The following LDB2 variants were observed in gnomAD, a reference collection of about 807,000 sequenced individuals.
LDB2 encodes LIM domain-binding protein 2.
LDB2 carries 12 observed loss-of-function variants against 44.3 expected under a neutral mutation model. The ratio of observed to expected loss-of-function variants is 0.27; its 90% CI spans 0.17 to 0.44. The LOEUF is 0.44. Among genes scored for constraint, LDB2 ranks in the 20% least tolerant of loss-of-function variants. The pLI is 1.00. For missense variants in LDB2, 344 were observed against 473.5 expected (o/e 0.73, Z 2.54); for synonymous variants, 164 against 174.8 (o/e 0.94, Z 0.49).
intron 3 of LDB2, among the ~76,000 whole-genome samples, chr4:16,591,635 C>A (rs567646161): frequency 4.6e-5 from 7 of 152,194 alleles, no homozygotes; most frequent in African/African-American, 1.7e-4. Context: ...AGCCACTCCA[C>A]ACCCTGTACC....
chr4:16,688,705 G>A (rs1009017649), intron 2 of LDB2, among the ~76,000 whole-genome samples: 1 of 152,150 alleles, frequency 6.6e-6, no homozygotes, highest in Non-Finnish European at 1.5e-5. Context: ...TCAATGAGGT[G>A]CTGATACTAT....
At position 16,527,381 on chromosome 4, in the gene LDB2, C is replaced by T. The variant is rs76355263; in HGVS notation, c.616-15277G>A. Among the ~76,000 whole-genome samples, 248 of 151,970 alleles carry T rather than the reference C, an allele frequency of 1.6e-3. 1 individual carries two copies. Among genetic ancestry groups the T allele is most frequent in the African/African-American group, 5.5e-3 (229 of 41,414 alleles). ...AATTGAGGTTTTTACAATGCGATGC[C>T]ACCTTACTCCCGGAAGAATGGCCAT... On this transcript the variant is annotated intron_variant, in intron 5 of 7. Coordinates refer to ENST00000304523, the MANE Select transcript of LDB2 (RefSeq NM_001290.5).
At chr4:16,738,778 C>A (rs991416410) in intron 2 of LDB2, among the ~76,000 whole-genome samples, 1 of 152,158 alleles carries the variant, frequency 6.6e-6, no homozygotes, top group African/African-American at 2.4e-5. Flanking sequence ...AATGAATATG[C>A]GAATGGATGA....
intron 5 of LDB2, among the ~76,000 whole-genome samples, chr4:16,583,861 G>A (rs1466263184): frequency 1.3e-5 from 2 of 152,226 alleles, no homozygotes; most frequent in Non-Finnish European, 2.9e-5. Context: ...ATTTCAGCAC[G>A]CTTCGCTGGA....
rs1400663053 is a variant in LDB2, at chr4:16,533,324, T to TA, written c.616-21221dup. On this transcript the variant is annotated intron_variant, in intron 5 of 7. Transcript: ENST00000304523. This position sits in a 1 kb window ranked among gnomAD's most constrained non-coding sequence, Gnocchi z 4.1. Reference sequence around the variant, plus strand: ...AGGTTAAGGATCCCACTTCTAAAGTTAAAAAACCATTCATGTCTGCAAAAA... The same window carrying TA: ...AGGTTAAGGATCCCACTTCTAAAGTTAAAAAAACCATTCATGTCTGCAAAAA... 6.6e-6 allele frequency among the ~76,000 whole-genome samples: 1 copy of TA among 152,142 alleles called. No individual in the cohort carries two copies.
chr4:16,525,819 G>A (rs936859285), intron 5 of LDB2, among the ~76,000 whole-genome samples: 8 of 152,190 alleles, frequency 5.3e-5, no homozygotes, highest in Admixed American at 2.0e-4. Flanking sequence ...AGTTGGGAGG[G>A]TTGAAAATGT....
intron 5 of LDB2, among the ~76,000 whole-genome samples, chr4:16,543,397 A>C (rs1463828984): frequency 6.6e-6 from 1 of 152,164 alleles, no homozygotes; most frequent in Non-Finnish European, 1.5e-5. Context: ...CAACAGTGTA[A>C]AAGTGTTCCT....
chr4:16,522,039 T>A (rs1726298485), intron 5 of LDB2, among the ~76,000 whole-genome samples: 1 of 152,040 alleles, frequency 6.6e-6, no homozygotes, highest in Non-Finnish European at 1.5e-5. Flanking sequence ...TGTTTCAGTC[T>A]CCCCATCGGC....
intron 5 of LDB2, among the ~76,000 whole-genome samples, chr4:16,583,605 A>G (rs770486930): frequency 3.0e-4 from 46 of 152,368 alleles, no homozygotes; most frequent in Non-Finnish European, 5.7e-4. Context: ...CTTAAATCCC[A>G]GTTCTAAATG....
chr4:16,547,386 TGTG>T (rs1246277877), intron 5 of LDB2, among the ~76,000 whole-genome samples: 2 of 152,156 alleles, frequency 1.3e-5, no homozygotes, highest in Non-Finnish European at 2.9e-5. Flanking sequence ...AACCATGAGG[TGTG>T]GTAATTTGTT....
intron 2 of LDB2, among the ~76,000 whole-genome samples, chr4:16,754,312 C>T (rs1766061736): frequency 6.6e-6 from 1 of 152,170 alleles, no homozygotes; most frequent in Non-Finnish European, 1.5e-5. Flanking sequence ...ATATGGACTC[C>T]CACCTGGCCA....
At chr4:16,685,721 C>T (rs1253681236) in intron 2 of LDB2, among the ~76,000 whole-genome samples, 1 of 152,134 alleles carries the variant, frequency 6.6e-6, no homozygotes, top group Non-Finnish European at 1.5e-5. Context: ...CCCTCAGAAT[C>T]CGGAAGCATT....
At chr4:16,772,678 T>C (rs2109357717) in intron 1 of LDB2, among the ~76,000 whole-genome samples, 1 of 152,296 alleles carries the variant, frequency 6.6e-6, no homozygotes, top group Non-Finnish European at 1.5e-5. Context: ...AATATGTAAA[T>C]GCTTTATACG....
At chr4:16,554,842 G>T (rs994819136) in intron 5 of LDB2, among the ~76,000 whole-genome samples, 3 of 152,144 alleles carry the variant, frequency 2.0e-5, no homozygotes, top group East Asian at 1.9e-4. Flanking sequence ...CACAATGATG[G>T]ATTCATGTCA....
intron 1 of LDB2, among the ~76,000 whole-genome samples, chr4:16,857,166 C>T (rs929885178): frequency 6.6e-6 from 1 of 152,158 alleles, no homozygotes; most frequent in African/African-American, 2.4e-5. Context: ...AATATGTTGT[C>T]AGGTGGCAGC....
At chr4:16,646,554 A>G (rs1025365191) in intron 2 of LDB2, among the ~76,000 whole-genome samples, 54 of 152,208 alleles carry the variant, frequency 3.5e-4, no homozygotes, top group African/African-American at 1.3e-3. Context: ...CATAAGAAGA[A>G]TATGGCCTGG....
chr4:16,618,008 T>C (rs998870023), intron 2 of LDB2, among the ~76,000 whole-genome samples: 1 of 152,036 alleles, frequency 6.6e-6, no homozygotes, highest in African/African-American at 2.4e-5. Context: ...CTTTCTTTTT[T>C]TGAGCTCCCA....
intron 2 of LDB2, among the ~76,000 whole-genome samples, chr4:16,620,900 G>A (rs1728690423): frequency 6.6e-6 from 1 of 152,116 alleles, no homozygotes; most frequent in African/African-American, 2.4e-5. Flanking sequence ...AATTATAGAT[G>A]GCATCTTTTA....
chr4:16,611,079 G>T (rs73236831), intron 2 of LDB2, among the ~76,000 whole-genome samples: 1 of 152,142 alleles, frequency 6.6e-6, no homozygotes, highest in Non-Finnish European at 1.5e-5. Flanking sequence ...TTAAAGTAAA[G>T]AATTTCCAAC....
Sources: allele counts gnomAD v4.1 joint callset (sites outside exome capture counted in the v4.1 genomes callset), GRCh38; gene constraint gnomAD v4.1.1; non-coding constraint Gnocchi (gnomAD v3.1); transcripts MANE v1.5; gene names NCBI Gene and HGNC (gene_info 2026-07-23, HGNC 2026-07-21).